CEACAM8: variants seen among roughly 807,000 people sequenced by gnomAD.
The protein encoded by CEACAM8 is cell adhesion molecule CEACAM8.
In CEACAM8, 31 loss-of-function variants were observed where a neutral mutation model predicts 33.4. The observed-to-expected ratio is 0.93, with a 90% CI of 0.70 to 1.25. The LOEUF is 1.25. CEACAM8 is among the 50% of genes most tolerant of loss of function. The pLI is 0.00. For synonymous variants in CEACAM8, 138 were observed against 164.5 expected (o/e 0.84, Z 1.23); for missense variants, 388 against 434.6 (o/e 0.89, Z 0.95).
At chr19:42,587,932 G>A (rs2042364186) in intron 4 of CEACAM8, among the ~76,000 whole-genome samples, 1 of 152,230 alleles carries the variant, frequency 6.6e-6, no homozygotes, top group African/African-American at 2.4e-5. Context: ...GAACCCAGGA[G>A]GCGGAGGGTG....
At chr19:42,587,551 T>C (rs1289504397) in intron 4 of CEACAM8, among the ~76,000 whole-genome samples, 1 of 152,164 alleles carries the variant, frequency 6.6e-6, no homozygotes, top group Non-Finnish European at 1.5e-5. Flanking sequence ...ATCAATTACA[T>C]AGAGACAGAA....
intron 4 of CEACAM8, among the ~76,000 whole-genome samples, chr19:42,586,801 C>T (rs1470345507): frequency 3.3e-5 from 5 of 152,064 alleles, no homozygotes; most frequent in Non-Finnish European, 7.4e-5. Flanking sequence ...AAAAGGCAAC[C>T]TTGAAGTGGG....
Position 42,589,558 on chromosome 19 carries a change from G to T in CEACAM8, c.602C>A (p.Thr201Asn), listed in dbSNP as rs2042397234. ...LQLSNGNRTL[T>N]LLSVTRNDVG... ...GTCATTCCTTGTGACACTGAGTAGA[G>T]TGAGGGTCCTGTTGCCATTGGACAG... The change falls in exon 3 of 6, where the codon ACT becomes AAT. Residue 201 changes from threonine (T) to asparagine (N), a missense_variant. Transcript: ENST00000244336. The T allele has an allele frequency of 2.5e-6, 4 of 1,614,204 alleles. No homozygotes were observed. The highest frequency in any genetic ancestry group is 3.4e-6 in the Non-Finnish European group (4 of 1,180,040).
chr19:42,594,109 G>A (rs2042500572), intron 1 of CEACAM8, among the ~76,000 whole-genome samples: 1 of 152,062 alleles, frequency 6.6e-6, no homozygotes, highest in Non-Finnish European at 1.5e-5. Flanking sequence ...GGTTCTGCAC[G>A]GCTCCCTCCA....
chr19:42,594,233 C>T (rs536192626), intron 1 of CEACAM8, among the ~76,000 whole-genome samples: 1 of 152,292 alleles, frequency 6.6e-6, no homozygotes, highest in East Asian at 1.9e-4. Context: ...GTGTTCCTTC[C>T]AGGGCTCCTG....
At position 42,589,603 on chromosome 19, in the gene CEACAM8, G is replaced by T. The variant is rs554190266; in HGVS notation, c.557C>A (p.Pro186Gln). 1.2e-6 allele frequency: 2 copies of T among 1,614,054 alleles called. No homozygotes were observed. The highest frequency in any genetic ancestry group is 1.7e-6 in the Non-Finnish European group (2 of 1,180,040). ...GGACAGCTGCAGCCTGGGACTGACCGGGAGACTCTGACCATTTACCCACCA... is the reference window on the plus strand; with the variant it reads ...GGACAGCTGCAGCCTGGGACTGACCTGGAGACTCTGACCATTTACCCACCA... ...YLWWVNGQSL[P>Q]VSPRLQLSNG... The change falls in exon 3 of 6, where the codon CCG (proline) becomes CAG (glutamine). Residue 186 changes from proline to glutamine, a missense_variant. Transcript: ENST00000244336.
chr19:42,593,669 T>C lies in CEACAM8; in HGVS notation c.296A>G (p.Glu99Gly), dbSNP rs759516734. The change falls in exon 2 of 6, where the codon GAG becomes GGG. Residue 99 changes from glutamate to glycine, a missense_variant. Transcript: ENST00000244336. ...CAGGGATGCATTGGGGTATATTGTC[T>C]CTCGATTGCTGTATGCAGGCCCTGG... ...ITPGPAYSNRETIYPNASLLM... is the reference protein window; with the variant it reads ...ITPGPAYSNRGTIYPNASLLM... 6.2e-7 allele frequency: 1 copy of C among 1,614,084 alleles called. No individual in the cohort carries two copies. Among genetic ancestry groups the C allele is most frequent in the Middle Eastern group, 1.7e-4 (1 of 6,058 alleles).
Position 42,581,134 on chromosome 19 carries a change from A to G in CEACAM8, c.*260T>C, listed in dbSNP as rs1049607214. 2.0e-5 allele frequency: 3 copies of G among 152,142 alleles called. No individual in the cohort carries two copies. Among genetic ancestry groups the G allele is most frequent in the Non-Finnish European group, 4.4e-5 (3 of 68,036 alleles). 9.4% of individuals were successfully genotyped at this position (152,142 alleles called of 1,614,324 possible). Reference sequence around the variant, plus strand: ...ATTATCCTCATTATTATTTAGTTCAATGAAATTCATGTTTTTTTCCTTCTG... The same window carrying G: ...ATTATCCTCATTATTATTTAGTTCAGTGAAATTCATGTTTTTTTCCTTCTG... On this transcript the variant is annotated 3_prime_UTR_variant, in exon 6 of 6. Coordinates refer to ENST00000244336, the MANE Select transcript of CEACAM8 (RefSeq NM_001816.4).
Position 42,583,250 on chromosome 19 carries a change from A to G in CEACAM8, c.1046T>C (p.Ile349Thr), listed in dbSNP as rs771655565. ...GCAGAAACTACACCAGAGCTACTAT[A>G]TCAGAGCCACCCTGGCCAGTACTCC... ...MIGVLARVAL[I>T] The change falls in exon 5 of 6, where the codon ATA (isoleucine) becomes ACA (threonine). Residue 349 changes from isoleucine (I) to threonine (T), a missense_variant. Coordinates refer to ENST00000244336, the MANE Select transcript of CEACAM8 (RefSeq NM_001816.4). The G allele has an allele frequency of 3.1e-6, 5 of 1,603,054 alleles. No individual in the cohort carries two copies. The highest frequency in any genetic ancestry group is 2.2e-5 in the East Asian group (1 of 44,780).
chr19:42,589,522 T>C lies in CEACAM8; in HGVS notation c.638A>G (p.Tyr213Cys), dbSNP rs148250749. ...CGCTGGGTTCTGTATTTCACATTCA[T>C]AGGGTCCTACGTCATTCCTTGTGAC... ...LSVTRNDVGP[Y>C]ECEIQNPASA... Residue 213 changes from tyrosine to cysteine, a missense_variant, in exon 3 of 6, where the codon TAT becomes TGT. By Grantham distance (194) the Tyr-to-Cys change is radical. Coordinates refer to ENST00000244336, the MANE Select transcript of CEACAM8 (RefSeq NM_001816.4). 1 of 1,614,176 alleles carries C rather than the reference T, an allele frequency of 6.2e-7. No homozygotes were observed.
rs45561547 is a variant in CEACAM8 at position 42,585,586 on chromosome 19, G to T, written c.959-2249C>A. ...AAAACATGCTAAGTATGAATGGAAGGAAACTATCTCAATATAATAAAGGCA... is the reference window on the plus strand; with the variant it reads ...AAAACATGCTAAGTATGAATGGAAGTAAACTATCTCAATATAATAAAGGCA... On this transcript the variant is annotated intron_variant, in intron 4 of 5. Coordinates refer to ENST00000244336, the MANE Select transcript of CEACAM8 (RefSeq NM_001816.4). Among the ~76,000 whole-genome samples, 898 of 152,146 alleles carry T rather than the reference G, an allele frequency of 5.9e-3. 10 individuals are homozygous for T. The highest frequency in any genetic ancestry group is 0.021 in the African/African-American group (862 of 41,510).
chr19:42,587,382 G>A (rs1041735288), intron 4 of CEACAM8, among the ~76,000 whole-genome samples: 1 of 152,202 alleles, frequency 6.6e-6, no homozygotes, highest in Non-Finnish European at 1.5e-5. Flanking sequence ...AAAGTGAGGT[G>A]TATCCATACA....
chr19:42,583,464 G>T (rs535685275), intron 4 of CEACAM8, 127 bp from the exon 5 acceptor site: 2 of 681,732 alleles, frequency 2.9e-6, no homozygotes, highest in East Asian at 5.7e-5. Context: ...TATTTTTGTG[G>T]GAAGGTTGCT....
intron 2 of CEACAM8, 101 bp downstream of exon 2, chr19:42,593,440 G>T: frequency 7.0e-7 from 1 of 1,427,766 alleles, no homozygotes; most frequent in Non-Finnish European, 9.5e-7. Flanking sequence ...AAAGTGGGAT[G>T]TAATGCAGAG....
Position 42,583,262 on chromosome 19 carries a change from C to T in CEACAM8, c.1034G>A (p.Arg345Lys), listed in dbSNP as rs372343180. 3.7e-6 allele frequency: 6 copies of T among 1,611,436 alleles called. No homozygotes were observed. Among genetic ancestry groups the T allele is most frequent in the Admixed American group, 1.7e-5 (1 of 59,854 alleles). ...TVSIMIGVLA[R>K]VALI is the part of the protein sequence containing the mutation. Reference sequence around the variant, plus strand: ...CCAGAGCTACTATATCAGAGCCACCCTGGCCAGTACTCCAATCATGATGCT... The same window carrying T: ...CCAGAGCTACTATATCAGAGCCACCTTGGCCAGTACTCCAATCATGATGCT... The change falls in exon 5 of 6, where the codon AGG becomes AAG. Residue 345 changes from arginine to lysine, a missense_variant. Arg to Lys is a conservative substitution (Grantham distance 26). Transcript: ENST00000244336.
intron 2 of CEACAM8, among the ~76,000 whole-genome samples, chr19:42,593,066 GC>G (rs1403594660): frequency 3.3e-5 from 5 of 152,240 alleles, no homozygotes; most frequent in Non-Finnish European, 5.9e-5. Context: ...CTCCTAGTTG[GC>G]CCTGCCCAGG....
Position 42,592,597 on chromosome 19 carries a change from C to CAA in CEACAM8, c.424+942_424+943dup, listed in dbSNP as rs922130468. On this transcript the variant is annotated intron_variant, in intron 2 of 5. Coordinates refer to ENST00000244336, the MANE Select transcript of CEACAM8 (RefSeq NM_001816.4). ...CAGCCTGGCCACAGAGACTCCGTCT[C>CAA]AAAAAAAAAAAAAAAAAAAAAAAGA... Among the ~76,000 whole-genome samples the CAA allele has an allele frequency of 5.5e-3, 224 of 40,470 alleles. 1 individual carries two copies. Among genetic ancestry groups the CAA allele is most frequent in the East Asian group, 7.2e-3 (10 of 1,392 alleles). 26.5% of individuals were successfully genotyped at this position (40,470 alleles called of 152,430 possible).
chr19:42,583,178 A>C, intron 5 of CEACAM8, 28 bp downstream of exon 5: 1 of 1,015,616 alleles, frequency 9.8e-7, no homozygotes, highest in South Asian at 1.3e-5. Flanking sequence ...CCCTGCAGGA[A>C]ACAGGACAAG....
intron 2 of CEACAM8, among the ~76,000 whole-genome samples, chr19:42,593,325 A>G (rs553706217): frequency 2.0e-5 from 3 of 152,268 alleles, no homozygotes; most frequent in African/African-American, 7.2e-5. Flanking sequence ...TCAGACTGTC[A>G]TTCCTCTGCC....
Sources: gnomAD v4.1 joint callset for allele counts (sites outside exome capture counted in the v4.1 genomes callset) on GRCh38, gnomAD v4.1.1 for gene constraint, MANE v1.5 for transcripts, NCBI Gene and HGNC (gene_info 2026-07-23, HGNC 2026-07-21) for gene names.